Variants in SATB2 observed in about 807,000 individuals in gnomAD.
SATB2 encodes the protein SATB homeobox 2.
Under a neutral mutation model 73.4 loss-of-function variants are expected in SATB2, and 1 was observed. The observed-to-expected ratio is 0.01, with a 90% CI of 0.00 to 0.06. SATB2 has a LOEUF of 0.06. SATB2 is among the 10% of genes least tolerant of loss of function. SATB2 has a pLI of 1.00. For missense variants in SATB2, 459 were observed against 945.8 expected, an observed-to-expected ratio of 0.49 and a Z score of 6.75; for synonymous variants, 397 against 367.0, an observed-to-expected ratio of 1.08 and a Z score of -0.93.
intron 10 of SATB2, among the ~76,000 whole-genome samples, chr2:199,273,665 C>T (rs1347875438): frequency 6.6e-6 from 1 of 152,012 alleles, no homozygotes; most frequent in Non-Finnish European, 1.5e-5. Context: ...CATAGATAGA[C>T]CTTCTCAAAA....
chr2:199,277,651 G>C (rs936326200), intron 10 of SATB2, among the ~76,000 whole-genome samples: 5 of 152,110 alleles, frequency 3.3e-5, no homozygotes, highest in African/African-American at 1.2e-4. Flanking sequence ...TGATTTTTCA[G>C]TATGACAGGC....
intron 3 of SATB2, among the ~76,000 whole-genome samples, chr2:199,389,047 A>C (rs1690044372): frequency 6.6e-6 from 1 of 152,192 alleles, no homozygotes; most frequent in Non-Finnish European, 1.5e-5. Flanking sequence ...ATCACTACCC[A>C]GCAGTATATA....
chr2:199,328,408 G>A (rs1688092435), intron 8 of SATB2, among the ~76,000 whole-genome samples: 1 of 152,104 alleles, frequency 6.6e-6, no homozygotes, highest in East Asian at 1.9e-4. Flanking sequence ...GGGCATGGTG[G>A]TTGGTGCCTC....
Position 199,361,049 on chromosome 2 carries a change from G to A in SATB2, c.700+7556C>T, listed in dbSNP as rs137912486. 1.4e-4 allele frequency among the ~76,000 whole-genome samples: 22 copies of A among 151,960 alleles called. 1 individual carries two copies. The East Asian group carries it at 2.7e-3, about 19-fold the overall frequency. ...CTCTCAAAGCTTCCAGCCCTCTCCC[G>A]CTCTTGCTCTCCTCTTTAAGGAATG... On this transcript the variant is annotated intron_variant, in intron 6 of 10. Coordinates refer to ENST00000417098, the MANE Select transcript of SATB2 (RefSeq NM_001172509.2).
At chr2:199,386,876 T>G (rs1559022276) in intron 3 of SATB2, among the ~76,000 whole-genome samples, 1 of 152,066 alleles carries the variant, frequency 6.6e-6, no homozygotes, top group Non-Finnish European at 1.5e-5. Flanking sequence ...ATCCCCAATA[T>G]TCACTTCTAG....
At chr2:199,370,558 A>G (rs1463336353) in intron 5 of SATB2, among the ~76,000 whole-genome samples, 1 of 152,078 alleles carries the variant, frequency 6.6e-6, no homozygotes, top group Non-Finnish European at 1.5e-5. Flanking sequence ...ATGGTCTAGA[A>G]AGTTAACTAA....
chr2:199,344,110 T>C (rs1688582898), intron 7 of SATB2, among the ~76,000 whole-genome samples: 1 of 152,204 alleles, frequency 6.6e-6, no homozygotes, highest in Non-Finnish European at 1.5e-5. Flanking sequence ...CTGTATTTGC[T>C]TCTAAAATCC....
At chr2:199,302,741 G>A (rs1250208856) in intron 10 of SATB2, among the ~76,000 whole-genome samples, 2 of 152,114 alleles carry the variant, frequency 1.3e-5, no homozygotes, top group African/African-American at 4.8e-5. Context: ...TTGTTTCCCT[G>A]GAAGATGTCC....
chr2:199,440,734 A>G (rs1263625482), intron 2 of SATB2, among the ~76,000 whole-genome samples: 1 of 152,114 alleles, frequency 6.6e-6, no homozygotes, highest in Non-Finnish European at 1.5e-5. Context: ...CTTAACTCTT[A>G]TCGTAGAGGA....
At chr2:199,431,976 A>C (rs1451519280) in intron 3 of SATB2, among the ~76,000 whole-genome samples, 1 of 152,222 alleles carries the variant, frequency 6.6e-6, no homozygotes, top group Non-Finnish European at 1.5e-5. Flanking sequence ...CATGACATAA[A>C]AGCAATGGTG....
chr2:199,465,400 C>G (rs1371549953), upstream of SATB2, among the ~76,000 whole-genome samples: 1 of 152,158 alleles, frequency 6.6e-6, no homozygotes, highest in Non-Finnish European at 1.5e-5. Context: ...GCAGTGTTTC[C>G]CTAATAGTTT....
chr2:199,343,455 G>A (rs1169453511), intron 7 of SATB2, among the ~76,000 whole-genome samples: 7 of 152,118 alleles, frequency 4.6e-5, no homozygotes, highest in African/African-American at 7.2e-5. Context: ...AAGTCTAAAC[G>A]TTTGGAAAAT....
intron 3 of SATB2, among the ~76,000 whole-genome samples, chr2:199,401,762 C>A (rs1690486532): frequency 6.6e-6 from 1 of 151,950 alleles, no homozygotes; most frequent in African/African-American, 2.4e-5. Context: ...AAGAGGCTGG[C>A]AGTAAGCTTG....
chr2:199,380,776 TG>T (rs1242871775), intron 4 of SATB2, among the ~76,000 whole-genome samples: 6 of 152,208 alleles, frequency 3.9e-5, no homozygotes, highest in Non-Finnish European at 8.8e-5. Flanking sequence ...CTGGTGGAAA[TG>T]GCATGGCAGT....
chr2:199,454,083 A>C (rs1692205777), intron 2 of SATB2, among the ~76,000 whole-genome samples: 1 of 152,122 alleles, frequency 6.6e-6, no homozygotes, highest in African/African-American at 2.4e-5. Context: ...ATAGTCTCAG[A>C]AAATTTGAAA....
At chr2:199,324,078 C>G (rs546994025) in intron 8 of SATB2, 120 bp from the exon 9 acceptor site, 2 of 975,402 alleles carry the variant, frequency 2.1e-6, no homozygotes, top group Admixed American at 3.5e-5. Flanking sequence ...TACAGAGGGA[C>G]ACTTCCTGTC....
Position 199,272,563 on chromosome 2 carries a change from G to A in SATB2, c.1850C>T (p.Ser617Phe), listed in dbSNP as rs776611711. The change falls in exon 11 of 11, where the codon TCT (serine) becomes TTT (phenylalanine). Residue 617 changes from serine (S) to phenylalanine (F), a missense_variant. Physicochemically the swap from Ser to Phe is radical, Grantham distance 155. Coordinates refer to ENST00000417098, the MANE Select transcript of SATB2 (RefSeq NM_001172509.2). The surrounding 1 kb of genome is among the most constrained non-coding windows in gnomAD (Gnocchi z 6.7). ...GGCTTCTAAGGAGATCTTTGTGCGA[G>A]ACCGGGGCTTTTTGGCACAACTGTC... ...TEDSCAKKPRSRTKISLEALG... is the reference protein window; with the variant it reads ...TEDSCAKKPRFRTKISLEALG... 2 of 1,614,156 alleles carry A rather than the reference G, an allele frequency of 1.2e-6. No homozygotes were observed. The highest frequency in any genetic ancestry group is 1.7e-6 in the Non-Finnish European group (2 of 1,180,022).
chr2:199,312,785 A>C (rs1687630952), intron 9 of SATB2, among the ~76,000 whole-genome samples: 1 of 152,174 alleles, frequency 6.6e-6, no homozygotes, highest in Non-Finnish European at 1.5e-5. Context: ...GAATGCTCTG[A>C]TATAATGTAC....
intron 3 of SATB2, among the ~76,000 whole-genome samples, chr2:199,416,224 G>A (rs1425132180): frequency 1.3e-5 from 2 of 152,138 alleles, no homozygotes; most frequent in Non-Finnish European, 2.9e-5. Context: ...TACTTTGTAG[G>A]AAACTGAATG....
Sources: gnomAD v4.1 joint callset for allele counts (sites outside exome capture counted in the v4.1 genomes callset) on GRCh38, gnomAD v4.1.1 for gene constraint, Gnocchi (gnomAD v3.1) non-coding constraint, MANE v1.5 for transcripts, NCBI Gene and HGNC (gene_info 2026-07-23, HGNC 2026-07-21) for gene names.